The following TEK variants were observed in gnomAD, a reference collection of about 807,000 sequenced individuals.
The protein encoded by TEK is angiopoietin-1 receptor.
Under a neutral mutation model 131.8 loss-of-function variants are expected in TEK, and 43 were observed. That is an observed-to-expected ratio of 0.33 (90% CI 0.26 to 0.42). The LOEUF (loss-of-function observed/expected upper bound fraction) is 0.42, where lower values mean the gene tolerates loss of function less well. Ranked by LOEUF, TEK falls within the 10% of genes least tolerant of loss-of-function variation. The pLI, the probability that TEK is intolerant of heterozygous loss-of-function variation, is 1.00. For missense variants in TEK, 1,162 were observed against 1,384.4 expected (o/e 0.84, Z 2.55); for synonymous variants, 580 against 491.6 (o/e 1.18, Z -2.38).
At chr9:27,201,402 T>C (rs1218156241) in intron 12 of TEK, among the ~76,000 whole-genome samples, 1 of 152,210 alleles carries the variant, frequency 6.6e-6, no homozygotes, top group Non-Finnish European at 1.5e-5. Context: ...TATACAAATA[T>C]TAACTATGTG....
chr9:27,132,094 T>C lies in TEK; in HGVS notation c.52+22452T>C, dbSNP rs1388174393. Among the ~76,000 whole-genome samples the C allele has an allele frequency of 2.7e-5, 4 of 150,028 alleles. No homozygotes were observed. The South Asian group carries it at 8.4e-4, about 32-fold the overall frequency. On this transcript the variant is annotated intron_variant, in intron 1 of 22. Transcript: ENST00000380036. ...ATCTTTTATTTTTATTCTTTTTTTT[T>C]TTTTTTTTCTTGAGACGGAGTCTTG...
At chr9:27,119,676 C>T (rs617986) in intron 1 of TEK, among the ~76,000 whole-genome samples, 82,888 of 151,984 alleles carry the variant, frequency 0.55, 24,223 homozygotes, top group East Asian at 0.7. Flanking sequence ...GGGCTCCCAA[C>T]CTTTTTCCTG....
intron 1 of TEK, among the ~76,000 whole-genome samples, chr9:27,120,606 A>G (rs910200915): frequency 1.3e-5 from 2 of 152,270 alleles, no homozygotes; most frequent in Non-Finnish European, 2.9e-5. Flanking sequence ...GAGGAGCCTT[A>G]TGAAATGAGA....
Position 27,183,610 on chromosome 9 carries a change from T to C in TEK, c.1182T>C (p.His394=). 1.2e-6 allele frequency: 2 copies of C among 1,613,854 alleles called. No homozygotes were observed. The highest frequency in any genetic ancestry group is 8.5e-7 in the Non-Finnish European group (1 of 1,179,780). ...TGAAGCCGGATGGGACAGTGCTCCA[T>C]GTAAGAGCCATTCTTAATTTGCCCT... ...TLVKPDGTVL[H]PKDFNHTDHF... The change falls in exon 8 of 23, where the codon CAT becomes CAC. Residue 394 remains histidine (H), a splice_region_variant and synonymous_variant. Coordinates refer to ENST00000380036, the MANE Select transcript of TEK (RefSeq NM_000459.5).
intron 2 of TEK, among the ~76,000 whole-genome samples, chr9:27,165,307 G>GA (rs1317711665): frequency 6.6e-6 from 1 of 152,064 alleles, no homozygotes; most frequent in Non-Finnish European, 1.5e-5. Flanking sequence ...ATATAGACAG[G>GA]AACAACAGCA....
At chr9:27,141,039 G>A (rs1822704445) in intron 1 of TEK, among the ~76,000 whole-genome samples, 1 of 150,660 alleles carries the variant, frequency 6.6e-6, no homozygotes, top group South Asian at 2.1e-4. Context: ...TATGATTTTT[G>A]TTCTAAGTGA....
chr9:27,162,331 A>G (rs1823575874), intron 2 of TEK, among the ~76,000 whole-genome samples: 1 of 152,188 alleles, frequency 6.6e-6, no homozygotes, highest in Non-Finnish European at 1.5e-5. Context: ...GTGCCAAAAC[A>G]CAGCTTAAAT....
At chr9:27,167,978 T>A (rs1381168254) in intron 2 of TEK, among the ~76,000 whole-genome samples, 1 of 152,086 alleles carries the variant, frequency 6.6e-6, no homozygotes, top group Admixed American at 6.5e-5. Context: ...GTTTGAGTGT[T>A]CCAAATCCAA....
At position 27,180,232 on chromosome 9, in the gene TEK, G is replaced by A. The variant is rs1228028936; in HGVS notation, c.902-8G>A. The A allele has an allele frequency of 6.2e-7, 1 of 1,613,658 alleles. No individual in the cohort carries two copies. Among genetic ancestry groups the A allele is most frequent in the South Asian group, 1.1e-5 (1 of 91,072 alleles). On this transcript the variant is annotated splice_region_variant and splice_polypyrimidine_tract_variant and intron_variant, in intron 6 of 22. Transcript: ENST00000380036. The stretch of plus-strand genomic sequence containing the variant: ...TTAATACTGGTTTTTTGATGTCTCT[G>A]TTTACAGCATGCCACCCTGGTTTTT...
At chr9:27,171,529 G>T (rs962957881) in intron 4 of TEK, among the ~76,000 whole-genome samples, 2 of 152,044 alleles carry the variant, frequency 1.3e-5, no homozygotes, top group South Asian at 4.1e-4. Context: ...TGAGAAGTGT[G>T]GTTCCTCTAG....
At chr9:27,132,856 A>G (rs1822276025) in intron 1 of TEK, among the ~76,000 whole-genome samples, 1 of 152,212 alleles carries the variant, frequency 6.6e-6, no homozygotes, top group Non-Finnish European at 1.5e-5. Flanking sequence ...AGAGGGAGGT[A>G]GAAAGAGAGA....
rs1825293406 is a variant in TEK at position 27,203,470 on chromosome 9, C to G, written c.2209+351C>G. 2.0e-5 allele frequency among the ~76,000 whole-genome samples: 3 copies of G among 150,602 alleles called. No individual in the cohort carries two copies. The South Asian group carries it at 6.3e-4, about 32-fold the overall frequency. ...CCAGTAGGAGGCTCCAAGAACCATG[C>G]TCCATTCTTCCTCAAACACTCCTTT... On this transcript the variant is annotated intron_variant, in intron 13 of 22. Transcript: ENST00000380036.
intron 9 of TEK, among the ~76,000 whole-genome samples, chr9:27,187,744 C>T (rs1346657552): frequency 2.0e-5 from 3 of 152,128 alleles, no homozygotes; most frequent in Admixed American, 6.6e-5. Context: ...CGGCTTCTCT[C>T]CTTGGCTTGT....
chr9:27,123,052 C>CAAAAAAAAA lies in TEK; in HGVS notation c.52+13428_52+13436dup, dbSNP rs10700803. Among the ~76,000 whole-genome samples the CAAAAAAAAA allele has an allele frequency of 2.9e-3, 102 of 34,710 alleles. 25 individuals carry two copies. Among genetic ancestry groups the CAAAAAAAAA allele is most frequent in the African/African-American group, 4.3e-3 (30 of 7,016 alleles). 22.8% of individuals were successfully genotyped at this position (34,710 alleles called of 152,430 possible). On this transcript the variant is annotated intron_variant, in intron 1 of 22. Transcript: ENST00000380036. ...TGGGTGACAGAGCGAGACTCTGTCT[C>CAAAAAAAAA]AAAAAAAAAAAAAAAAAAAAAAAAA...
At chr9:27,145,659 A>T (rs545212583) in intron 1 of TEK, among the ~76,000 whole-genome samples, 2 of 152,350 alleles carry the variant, frequency 1.3e-5, no homozygotes, top group South Asian at 4.1e-4. Context: ...TTAGTAATTC[A>T]CAAAATAGTC....
In TEK at chr9:27,130,034, T is replaced by C. The variant is rs74734656; in HGVS notation, c.52+20392T>C. ...ACTCTTATCCAATCACCTAAAGATA[T>C]TGGTTTTGAAATTTAACAAAATAAT... is the stretch of plus-strand genomic sequence containing the variant. On this transcript the variant is annotated intron_variant, in intron 1 of 22. Transcript: ENST00000380036. Among the ~76,000 whole-genome samples, 27 of 152,336 alleles carry C rather than the reference T, an allele frequency of 1.8e-4. No homozygotes were observed. In the South Asian group the frequency reaches 5.4e-3, roughly 30 times the overall value.
chr9:27,203,137 G>T lies in TEK; in HGVS notation c.2209+18G>T. ...ATCTCAAGGTTGGTTGAATGGACAA[G>T]TATTTACATAGGATTACCGTGCAGC... On this transcript the variant is annotated intron_variant, in intron 13 of 22. Transcript: ENST00000380036. The T allele has an allele frequency of 6.2e-7, 1 of 1,613,504 alleles. No homozygotes were observed. The highest frequency in any genetic ancestry group is 1.1e-5 in the South Asian group (1 of 91,068).
At chr9:27,166,499 C>A (rs1823735566) in intron 2 of TEK, among the ~76,000 whole-genome samples, 1 of 152,158 alleles carries the variant, frequency 6.6e-6, no homozygotes, top group African/African-American at 2.4e-5. Flanking sequence ...TTCAGGATTA[C>A]AATATCTTCC....
At chr9:27,197,224 G>T (rs1290377576) in intron 11 of TEK, 91 bp from the exon 12 acceptor site, 1 of 1,417,546 alleles carries the variant, frequency 7.1e-7, no homozygotes, top group Non-Finnish European at 9.8e-7. Flanking sequence ...CAACACTGGG[G>T]ATTACATTTC....
Sources: gnomAD v4.1 joint callset for allele counts (sites outside exome capture counted in the v4.1 genomes callset) on GRCh38, gnomAD v4.1.1 for gene constraint, MANE v1.5 for transcripts, NCBI Gene and HGNC (gene_info 2026-07-23, HGNC 2026-07-21) for gene names.